Variants in FBXO11 observed in about 807,000 individuals in gnomAD.
FBXO11 encodes F-box only protein 11.
FBXO11 carries 13 observed loss-of-function variants against 117.0 expected under a neutral mutation model. That is an observed-to-expected ratio of 0.11 (90% CI 0.07 to 0.18). FBXO11 has a LOEUF of 0.18. Among genes scored for constraint, FBXO11 ranks in the 10% least tolerant of loss-of-function variants. The pLI, the probability that FBXO11 is intolerant of heterozygous loss-of-function variation, is 1.00. For synonymous variants in FBXO11, 490 were observed against 380.5 expected (o/e 1.29, Z -3.35); for missense variants, 767 against 1,164.4 (o/e 0.66, Z 4.97).
chr2:47,884,582 G>C (rs756864704), intron 1 of FBXO11, among the ~76,000 whole-genome samples: 7 of 152,140 alleles, frequency 4.6e-5, no homozygotes, highest in South Asian at 2.1e-4. Flanking sequence ...ACATTCATTC[G>C]GAAAGTATGA....
chr2:47,819,931 G>T (rs1479495512), intron 14 of FBXO11, among the ~76,000 whole-genome samples: 1 of 152,066 alleles, frequency 6.6e-6, no homozygotes, highest in South Asian at 2.1e-4. Flanking sequence ...TAATACACAG[G>T]TTTCAAAATT....
Position 47,820,760 on chromosome 2 carries a change from C to A in FBXO11, c.1703-304G>T, listed in dbSNP as rs114416712. ...ATACTGATCAGTAAGTATCTTTGTG[C>A]CTCTGTATCCTTATCAATATTTAAT... On this transcript the variant is annotated intron_variant, in intron 13 of 22. Transcript: ENST00000403359. 7.9e-3 allele frequency among the ~76,000 whole-genome samples: 1,199 copies of A among 152,234 alleles called. 8 individuals carry two copies. Among genetic ancestry groups the A allele is most frequent in the Middle Eastern group, 0.014 (4 of 294 alleles).
At chr2:47,813,493 G>A (rs374383127) in intron 17 of FBXO11, 116 bp from the exon 18 acceptor site, 25 of 695,676 alleles carry the variant, frequency 3.6e-5, no homozygotes, top group Admixed American at 8.3e-5. Context: ...GTGCAGTGGC[G>A]CGATCTTGGC....
At chr2:47,894,416 C>G (rs1375503838) in intron 1 of FBXO11, among the ~76,000 whole-genome samples, 1 of 152,028 alleles carries the variant, frequency 6.6e-6, no homozygotes, top group Non-Finnish European at 1.5e-5. Context: ...AAGAGATAAA[C>G]TTTAAAGGAG....
intron 17 of FBXO11, 62 bp downstream of exon 17, chr2:47,813,729 G>T: frequency 1.4e-6 from 2 of 1,405,776 alleles, no homozygotes; most frequent in Non-Finnish European, 2.0e-6. Flanking sequence ...CACCGTGCCC[G>T]GCCTAGAAGG....
chr2:47,879,949 G>C (rs965700588), intron 1 of FBXO11, among the ~76,000 whole-genome samples: 1 of 151,416 alleles, frequency 6.6e-6, no homozygotes, highest in African/African-American at 2.4e-5. Flanking sequence ...TCTAAAGTTT[G>C]AATAATATTT....
intron 19 of FBXO11, 34 bp from the exon 20 acceptor site, chr2:47,809,741 ACTTTATACTG>A (rs1670479404): frequency 7.2e-7 from 1 of 1,382,896 alleles, no homozygotes. Context: ...TAGATACATC[ACTTTATACTG>A]CTTCTTAAAA....
At chr2:47,826,886 T>A (rs1671794023) in intron 11 of FBXO11, among the ~76,000 whole-genome samples, 1 of 151,960 alleles carries the variant, frequency 6.6e-6, no homozygotes, top group African/African-American at 2.4e-5. Flanking sequence ...CTGCATCATC[T>A]CCTATAAATC....
intron 1 of FBXO11, among the ~76,000 whole-genome samples, chr2:47,896,678 A>G (rs1342194398): frequency 6.6e-6 from 1 of 152,176 alleles, no homozygotes; most frequent in Non-Finnish European, 1.5e-5. Context: ...TAAAATACCA[A>G]AATTTGACAA....
chr2:47,845,321 C>T (rs753382225), intron 1 of FBXO11, among the ~76,000 whole-genome samples: 19 of 152,152 alleles, frequency 1.2e-4, no homozygotes, highest in Non-Finnish European at 1.9e-4. Context: ...GTCATGAATA[C>T]CACAGAAATC....
At chr2:47,902,037 G>C (rs1331116680) in intron 1 of FBXO11, among the ~76,000 whole-genome samples, 1 of 152,208 alleles carries the variant, frequency 6.6e-6, no homozygotes, top group Non-Finnish European at 1.5e-5. Context: ...CCGCGTTCAA[G>C]CGATTCTCCT....
At chr2:47,823,569 A>G (rs1284235663) in intron 11 of FBXO11, among the ~76,000 whole-genome samples, 1 of 152,110 alleles carries the variant, frequency 6.6e-6, no homozygotes, top group Non-Finnish European at 1.5e-5. Flanking sequence ...CCTGGCCAAC[A>G]TGGTGAAACC....
intron 1 of FBXO11, among the ~76,000 whole-genome samples, chr2:47,857,986 G>A (rs1417703729): frequency 1.3e-5 from 2 of 151,994 alleles, no homozygotes; most frequent in South Asian, 2.1e-4. Context: ...CTTTACCAAA[G>A]TAGATGAAAT....
At chr2:47,821,912 C>T (rs1325564511) in intron 13 of FBXO11, among the ~76,000 whole-genome samples, 1 of 152,124 alleles carries the variant, frequency 6.6e-6, no homozygotes, top group Non-Finnish European at 1.5e-5. Flanking sequence ...GGCAACAAGG[C>T]AAAACCCAGC....
At chr2:47,888,801 T>C (rs1441321572) in intron 1 of FBXO11, 3 of 238,160 alleles carry the variant, frequency 1.3e-5, no homozygotes, top group East Asian at 1.8e-4. Context: ...ATCTGCTATA[T>C]TTGGTTCTAG....
chr2:47,874,108 G>A (rs1330436312), intron 1 of FBXO11, among the ~76,000 whole-genome samples: 1 of 152,078 alleles, frequency 6.6e-6, no homozygotes, highest in Non-Finnish European at 1.5e-5. Flanking sequence ...CAGCTACTTG[G>A]GAGGCTGAGG....
At chr2:47,864,479 C>T (rs1298814738) in intron 1 of FBXO11, among the ~76,000 whole-genome samples, 5 of 151,720 alleles carry the variant, frequency 3.3e-5, no homozygotes, top group South Asian at 2.1e-4. Context: ...CTCAGCTACT[C>T]GGGAGGCTGA....
chr2:47,895,456 A>T (rs529586050), intron 1 of FBXO11, among the ~76,000 whole-genome samples: 1 of 152,344 alleles, frequency 6.6e-6, no homozygotes, highest in South Asian at 2.1e-4. Context: ...AACAGGCACA[A>T]GTAATCCAAG....
At chr2:47,858,827 G>A (rs1303584657) in intron 1 of FBXO11, among the ~76,000 whole-genome samples, 5 of 151,238 alleles carry the variant, frequency 3.3e-5, no homozygotes, top group Admixed American at 6.6e-5. Flanking sequence ...GTTGGATCAC[G>A]AGGTCAGGAG....
Sources: gnomAD v4.1 joint callset for allele counts (sites outside exome capture counted in the v4.1 genomes callset) on GRCh38, gnomAD v4.1.1 for gene constraint, MANE v1.5 for transcripts, NCBI Gene and HGNC (gene_info 2026-07-23, HGNC 2026-07-21) for gene names.